CYRIB: variants seen among roughly 807,000 people sequenced by gnomAD.
The protein encoded by CYRIB is CYFIP-related Rac1 interactor B.
CYRIB carries 8 observed loss-of-function variants against 44.2 expected under a neutral mutation model. That is an observed-to-expected ratio of 0.18 (90% CI 0.11 to 0.33). The LOEUF (loss-of-function observed/expected upper bound fraction) is 0.33, where lower values mean the gene tolerates loss of function less well. Ranked by LOEUF, CYRIB falls within the 10% of genes least tolerant of loss-of-function variation. CYRIB has a pLI of 1.00. For synonymous variants in CYRIB, 131 were observed against 127.2 expected (o/e 1.03, Z -0.20); for missense variants, 185 against 382.8 (o/e 0.48, Z 4.31).
chr8:129,844,044 T>C (rs575515571), intron 11 of CYRIB: 2 of 152,344 alleles, frequency 1.3e-5, no homozygotes, highest in South Asian at 2.1e-4. Context: ...TCTCTTTATG[T>C]AGATAAAGTA....
At chr8:129,932,252 G>C (rs1331779944) in intron 1 of CYRIB, among the ~76,000 whole-genome samples, 2 of 152,066 alleles carry the variant, frequency 1.3e-5, no homozygotes, top group Non-Finnish European at 1.5e-5. Flanking sequence ...TACAAGCAGA[G>C]GTACCAGCTG....
chr8:129,887,959 A>G (rs978993378), intron 2 of CYRIB, among the ~76,000 whole-genome samples: 1 of 152,174 alleles, frequency 6.6e-6, no homozygotes. Context: ...TGGACTTCTG[A>G]GTTAATGCTG....
chr8:129,910,479 T>TC (rs2077388490), intron 1 of CYRIB, among the ~76,000 whole-genome samples: 1 of 78,344 alleles, frequency 1.3e-5, no homozygotes, highest in African/African-American at 5.0e-5. Context: ...TTCTTTCACT[T>TC]TTTTTTTTTT....
At chr8:129,947,120 C>T (rs866851590) in intron 2 of CYRIB, among the ~76,000 whole-genome samples, 1 of 151,916 alleles carries the variant, frequency 6.6e-6, no homozygotes, top group Admixed American at 6.6e-5. Flanking sequence ...TGCAGTGGTG[C>T]GATCTCGGCT....
chr8:129,853,170 T>C (rs996229551), intron 7 of CYRIB, among the ~76,000 whole-genome samples: 2 of 152,124 alleles, frequency 1.3e-5, no homozygotes, highest in African/African-American at 2.4e-5. Context: ...TTATTGAGGG[T>C]AAAAGGGAGA....
chr8:129,878,300 T>C (rs761579743), intron 3 of CYRIB, among the ~76,000 whole-genome samples: 1 of 152,164 alleles, frequency 6.6e-6, no homozygotes, highest in Non-Finnish European at 1.5e-5. Context: ...AAAATGGAGA[T>C]AGCTATAAAT....
At chr8:130,009,363 G>A (rs2097171898) in intron 1 of CYRIB, among the ~76,000 whole-genome samples, 1 of 151,758 alleles carries the variant, frequency 6.6e-6, no homozygotes, top group Non-Finnish European at 1.5e-5. Context: ...TGCCTCCCAG[G>A]TTCAAGCAAT....
Position 129,985,967 on chromosome 8 carries a change from C to G in CYRIB, c.-295-14972G>C, listed in dbSNP as rs72720311. Among the ~76,000 whole-genome samples, 773 of 152,332 alleles carry G rather than the reference C, an allele frequency of 5.1e-3. 3 individuals carry two copies. The highest frequency in any genetic ancestry group is 6.8e-3 in the Non-Finnish European group (466 of 68,038). On this transcript the variant is annotated intron_variant, in intron 1 of 14. Transcript: ENST00000401979. ...TGTTAAAATACTGAGTCCTTCCACACAGGCTGGGAAGTAGCTGCTGCCCCA... is the reference window on the plus strand; with the variant it reads ...TGTTAAAATACTGAGTCCTTCCACAGAGGCTGGGAAGTAGCTGCTGCCCCA...
intron 1 of CYRIB, among the ~76,000 whole-genome samples, chr8:129,935,028 T>C (rs1036059933): frequency 6.6e-6 from 1 of 152,204 alleles, no homozygotes; most frequent in Non-Finnish European, 1.5e-5. Context: ...CTTCTCCCTA[T>C]AACTGGTTGC....
intron 1 of CYRIB, among the ~76,000 whole-genome samples, chr8:129,994,275 G>C (rs902637787): frequency 2.8e-5 from 4 of 144,808 alleles, no homozygotes; most frequent in African/African-American, 9.8e-5. Context: ...AAGCTGGGGG[G>C]GGTGGCATGG....
At chr8:129,892,793 C>A (rs775818297) in intron 2 of CYRIB, among the ~76,000 whole-genome samples, 2 of 151,920 alleles carry the variant, frequency 1.3e-5, no homozygotes, top group Non-Finnish European at 2.9e-5. Flanking sequence ...CAGCTACATA[C>A]GATAAAGATG....
At chr8:129,981,663 C>G (rs2096244158) in intron 1 of CYRIB, among the ~76,000 whole-genome samples, 1 of 152,122 alleles carries the variant, frequency 6.6e-6, no homozygotes, top group Non-Finnish European at 1.5e-5. Flanking sequence ...GGTCCAACTC[C>G]CTGATTTTAT....
intron 2 of CYRIB, among the ~76,000 whole-genome samples, chr8:129,968,183 A>C (rs2095557910): frequency 6.6e-6 from 1 of 152,260 alleles, no homozygotes; most frequent in Non-Finnish European, 1.5e-5. Flanking sequence ...AAGTACACAG[A>C]ACAATGGCAT....
chr8:129,991,171 G>A (rs558016510), intron 1 of CYRIB, among the ~76,000 whole-genome samples: 1 of 151,020 alleles, frequency 6.6e-6, no homozygotes, highest in East Asian at 1.9e-4. Context: ...AACAGGCGAG[G>A]AGTTGAAATG....
chr8:129,998,604 T>C (rs2133784239), intron 1 of CYRIB, among the ~76,000 whole-genome samples: 1 of 152,220 alleles, frequency 6.6e-6, no homozygotes, highest in East Asian at 1.9e-4. Flanking sequence ...GGGGGGGTTG[T>C]TGGCTTTGCA....
intron 2 of CYRIB, among the ~76,000 whole-genome samples, chr8:129,897,212 A>G (rs2068524667): frequency 6.6e-6 from 1 of 152,172 alleles, no homozygotes; most frequent in South Asian, 2.1e-4. Flanking sequence ...TCTACAACAT[A>G]TCCACACCAA....
chr8:129,973,591 C>A (rs956404427), intron 1 of CYRIB, among the ~76,000 whole-genome samples: 11 of 152,220 alleles, frequency 7.2e-5, no homozygotes, highest in Non-Finnish European at 5.9e-5. Context: ...AACCACCTCA[C>A]GTGGACTCCT....
upstream of CYRIB, among the ~76,000 whole-genome samples, chr8:129,942,549 T>C (rs926591379): frequency 6.6e-6 from 1 of 152,348 alleles, no homozygotes; most frequent in Non-Finnish European, 1.5e-5. Flanking sequence ...GAATTTATTC[T>C]TCTATAATCC....
intron 1 of CYRIB, among the ~76,000 whole-genome samples, chr8:129,934,681 A>G (rs1255203178): frequency 1.3e-5 from 2 of 152,220 alleles, no homozygotes; most frequent in African/African-American, 4.8e-5. Flanking sequence ...GGACCCATTT[A>G]GGATTAAACA....
Sources: gnomAD v4.1 joint callset for allele counts (sites outside exome capture counted in the v4.1 genomes callset) on GRCh38, gnomAD v4.1.1 for gene constraint, MANE v1.5 for transcripts, NCBI Gene and HGNC (gene_info 2026-07-23, HGNC 2026-07-21) for gene names.